The following MGAT4C variants were observed in gnomAD, a reference collection of about 807,000 sequenced individuals.
The protein encoded by MGAT4C is MGAT4 family member C, also known as alpha-1,3-mannosyl-glycoprotein 4-beta-N-acetylglucosaminyltransferase C.
In MGAT4C, 19 loss-of-function variants were observed where a neutral mutation model predicts 40.1. The observed-to-expected ratio is 0.47, with a 90% CI of 0.33 to 0.70. The LOEUF is 0.70. Among genes scored for constraint, MGAT4C ranks in the 30% least tolerant of loss-of-function variants. MGAT4C has a pLI of 0.02. For synonymous variants in MGAT4C, 181 were observed against 187.1 expected, an observed-to-expected ratio of 0.97 and a Z score of 0.27; for missense variants, 491 against 563.2, an observed-to-expected ratio of 0.87 and a Z score of 1.30.
At chr12:86,018,531 AC>A (rs1247543876) in intron 2 of MGAT4C, among the ~76,000 whole-genome samples, 1 of 152,152 alleles carries the variant, frequency 6.6e-6, no homozygotes, top group Non-Finnish European at 1.5e-5. Context: ...AGTATTCGGT[AC>A]TTTCTGATGA....
At chr12:86,588,862 A>T (rs1205219166) in intron 2 of MGAT4C, among the ~76,000 whole-genome samples, 5 of 151,906 alleles carry the variant, frequency 3.3e-5, no homozygotes, top group African/African-American at 1.2e-4. Context: ...AACGAGAACA[A>T]AGACACAACA....
chr12:86,057,203 G>T (rs1893491859), intron 1 of MGAT4C, among the ~76,000 whole-genome samples: 1 of 151,730 alleles, frequency 6.6e-6, no homozygotes, highest in East Asian at 1.9e-4. Flanking sequence ...TTAGAGACAG[G>T]GTCTAGCTCT....
intron 3 of MGAT4C, among the ~76,000 whole-genome samples, chr12:86,412,473 A>T (rs2136246862): frequency 6.6e-6 from 1 of 152,226 alleles, no homozygotes; most frequent in South Asian, 2.1e-4. Flanking sequence ...GAGATTTAAT[A>T]ATTGCCCTAT....
intron 1 of MGAT4C, among the ~76,000 whole-genome samples, chr12:86,201,822 T>C (rs1950062929): frequency 6.6e-6 from 1 of 152,074 alleles, no homozygotes; most frequent in South Asian, 2.1e-4. Context: ...TCTTTACCAT[T>C]TCTCCCAGAA....
At chr12:86,309,425 G>T (rs898694301) in intron 4 of MGAT4C, among the ~76,000 whole-genome samples, 15 of 152,176 alleles carry the variant, frequency 9.9e-5, no homozygotes, top group Admixed American at 9.8e-4. Flanking sequence ...CAAAGTGCAG[G>T]CATCTGGCTT....
chr12:86,448,139 G>A (rs1957370336), intron 2 of MGAT4C, among the ~76,000 whole-genome samples: 1 of 152,120 alleles, frequency 6.6e-6, no homozygotes, highest in African/African-American at 2.4e-5. Flanking sequence ...TCAATCTTTG[G>A]ATGATAAAAT....
chr12:86,023,519 G>A (rs1420646489), intron 2 of MGAT4C, among the ~76,000 whole-genome samples: 2 of 150,404 alleles, frequency 1.3e-5, no homozygotes, highest in Non-Finnish European at 3.0e-5. Flanking sequence ...TACTATTTAA[G>A]ACTTTATATT....
At chr12:86,219,965 A>T (rs1950819163) in intron 1 of MGAT4C, among the ~76,000 whole-genome samples, 1 of 152,132 alleles carries the variant, frequency 6.6e-6, no homozygotes, top group Admixed American at 6.5e-5. Flanking sequence ...ACTGATGACA[A>T]TCAGACCTTT....
At chr12:86,542,930 T>G (rs1484607810) in intron 2 of MGAT4C, among the ~76,000 whole-genome samples, 1 of 152,204 alleles carries the variant, frequency 6.6e-6, no homozygotes, top group African/African-American at 2.4e-5. Flanking sequence ...TGATTTTATA[T>G]ATTCAAATAT....
chr12:86,121,255 C>A (rs1566012986), intron 1 of MGAT4C, among the ~76,000 whole-genome samples: 1 of 151,912 alleles, frequency 6.6e-6, no homozygotes, highest in Non-Finnish European at 1.5e-5. Flanking sequence ...GTGAAAAGAC[C>A]AAATCTACGT....
chr12:86,382,977 C>T (rs1280170421), intron 3 of MGAT4C, among the ~76,000 whole-genome samples: 3 of 152,164 alleles, frequency 2.0e-5, no homozygotes, highest in South Asian at 2.1e-4. Flanking sequence ...GGGTCAGAAC[C>T]CCCACACAGA....
At chr12:86,105,406 A>AT (rs1264415142) in intron 1 of MGAT4C, among the ~76,000 whole-genome samples, 1 of 152,146 alleles carries the variant, frequency 6.6e-6, no homozygotes, top group Non-Finnish European at 1.5e-5. Context: ...TACATGTATG[A>AT]TTTTCTAATT....
chr12:86,310,755 CGG>C, intron 4 of MGAT4C, among the ~76,000 whole-genome samples: 1 of 152,074 alleles, frequency 6.6e-6, no homozygotes, highest in East Asian at 1.9e-4. Context: ...ATCCCTGTCT[CGG>C]CTAAAAATAC....
intron 1 of MGAT4C, among the ~76,000 whole-genome samples, chr12:86,733,520 T>A (rs1950942817): frequency 6.6e-6 from 1 of 152,080 alleles, no homozygotes; most frequent in East Asian, 1.9e-4. Context: ...GAAGACATTA[T>A]AACAAAGAGT....
chr12:86,539,486 G>A (rs1350358218), intron 2 of MGAT4C, among the ~76,000 whole-genome samples: 2 of 152,110 alleles, frequency 1.3e-5, no homozygotes, highest in East Asian at 1.9e-4. Flanking sequence ...ATAAACATAC[G>A]TGTGCATGTG....
intron 1 of MGAT4C, among the ~76,000 whole-genome samples, chr12:86,774,345 C>CTTTCTTTCTG (rs1951708548): frequency 2.7e-4 from 4 of 14,926 alleles, no homozygotes; most frequent in Non-Finnish European, 4.2e-4. Context: ...CTTTCTGTCT[C>CTTTCTTTCTG]TCTCTCTCCC....
At chr12:86,715,714 TC>T (rs1461903518) in intron 2 of MGAT4C, among the ~76,000 whole-genome samples, 1 of 152,168 alleles carries the variant, frequency 6.6e-6, no homozygotes, top group African/African-American at 2.4e-5. Context: ...GGAAGTCTAC[TC>T]CTTTTACTCT....
chr12:86,654,487 A>G (rs1963785892), intron 2 of MGAT4C, among the ~76,000 whole-genome samples: 1 of 151,994 alleles, frequency 6.6e-6, no homozygotes, highest in African/African-American at 2.4e-5. Context: ...TTTTACTTCA[A>G]AACATCAGAG....
In MGAT4C at chr12:85,957,657, C is replaced by CAAAAAAAAAAAAAA. The variant is rs5799763; in HGVS notation, c.*21618_*21631dup. On this transcript the variant is annotated 3_prime_UTR_variant, in exon 5 of 5. Coordinates refer to ENST00000611864, the MANE Select transcript of MGAT4C (RefSeq NM_001351288.2). The stretch of plus-strand genomic sequence containing the variant: ...TTTACTGTAGAGTTGAATAAGAAAG[C>CAAAAAAAAAAAAAA]AAAAAAAAAAAAAAAAGAAAAAAGA... 50 of 101,188 alleles carry CAAAAAAAAAAAAAA rather than the reference C, an allele frequency of 4.9e-4. No homozygotes were observed. The highest frequency in any genetic ancestry group is 5.9e-3 in the Middle Eastern group (1 of 170). 6.3% of individuals were successfully genotyped at this position (101,188 alleles called of 1,614,324 possible).
Sources: allele counts gnomAD v4.1 joint callset (sites outside exome capture counted in the v4.1 genomes callset), GRCh38; gene constraint gnomAD v4.1.1; transcripts MANE v1.5; gene names NCBI Gene and HGNC (gene_info 2026-07-23, HGNC 2026-07-21).